Variants in COMMD1 observed in about 807,000 individuals in gnomAD.
The protein encoded by COMMD1 is COMM domain-containing protein 1.
A neutral mutation model predicts 17.2 loss-of-function variants in COMMD1; 10 were observed. The ratio of observed to expected loss-of-function variants is 0.58; its 90% CI spans 0.36 to 0.99. The LOEUF is 0.99. COMMD1 is among the 50% of genes least tolerant of loss of function. The pLI is 0.01. For missense variants in COMMD1, 270 were observed against 231.8 expected, an observed-to-expected ratio of 1.17 and a Z score of -1.07; for synonymous variants, 97 against 91.6, an observed-to-expected ratio of 1.06 and a Z score of -0.34.
chr2:62,034,318 T>C (rs868806364), intron 2 of COMMD1, among the ~76,000 whole-genome samples: 1 of 151,624 alleles, frequency 6.6e-6, no homozygotes, highest in East Asian at 1.9e-4. Flanking sequence ...CCTGGCCAAG[T>C]TGGAAATCCC....
intron 1 of COMMD1, among the ~76,000 whole-genome samples, chr2:61,941,055 G>A (rs1464934359): frequency 6.8e-6 from 1 of 146,586 alleles, no homozygotes; most frequent in African/African-American, 2.5e-5. Flanking sequence ...TTTTTTTTTG[G>A]GATGGAGTCT....
chr2:62,122,439 C>CTTTCTTTTTT (rs1558608550), intron 2 of COMMD1, among the ~76,000 whole-genome samples: 3 of 136,578 alleles, frequency 2.2e-5, no homozygotes, highest in African/African-American at 6.1e-5. Context: ...AAGTTTCTTT[C>CTTTCTTTTTT]TTTTCTTTTT....
chr2:61,952,922 G>T (rs1030482030), intron 1 of COMMD1, among the ~76,000 whole-genome samples: 3 of 152,196 alleles, frequency 2.0e-5, no homozygotes, highest in Non-Finnish European at 4.4e-5. Flanking sequence ...AGGAGTGATG[G>T]TGATAACTGC....
chr2:62,005,164 G>T (rs1669075762), intron 2 of COMMD1, among the ~76,000 whole-genome samples: 1 of 152,184 alleles, frequency 6.6e-6, no homozygotes, highest in Non-Finnish European at 1.5e-5. Context: ...CTGCCCAGAT[G>T]ATTTCAGTAT....
At chr2:62,019,101 T>TCCC (rs1189020954) in intron 2 of COMMD1, among the ~76,000 whole-genome samples, 4 of 88,348 alleles carry the variant, frequency 4.5e-5, no homozygotes, top group Non-Finnish European at 6.6e-5. Flanking sequence ...TCTCTCTCTC[T>TCCC]TCCCTCCCTC....
chr2:62,089,926 TG>T (rs2103995882), intron 2 of COMMD1, among the ~76,000 whole-genome samples: 1 of 147,478 alleles, frequency 6.8e-6, no homozygotes, highest in Admixed American at 6.8e-5. Flanking sequence ...TTTGGTCATT[TG>T]GCAAGGTCCC....
intron 1 of COMMD1, among the ~76,000 whole-genome samples, chr2:61,907,211 AT>A (rs1669795031): frequency 6.6e-6 from 1 of 151,970 alleles, no homozygotes; most frequent in African/African-American, 2.4e-5. Flanking sequence ...GGTTCGAGCC[AT>A]TCTCCTGCCT....
At chr2:61,962,768 G>C (rs1671388984) in intron 1 of COMMD1, among the ~76,000 whole-genome samples, 1 of 152,092 alleles carries the variant, frequency 6.6e-6, no homozygotes, top group Non-Finnish European at 1.5e-5. Flanking sequence ...ACTCCACAAG[G>C]AAAGGCTGCA....
At chr2:61,912,125 CTTAT>C (rs1419322008) in intron 1 of COMMD1, among the ~76,000 whole-genome samples, 2 of 152,078 alleles carry the variant, frequency 1.3e-5, no homozygotes, top group Admixed American at 6.6e-5. Context: ...TATTTATCAG[CTTAT>C]TTATTTGTTA....
chr2:61,975,317 A>G (rs1425549514), intron 1 of COMMD1, among the ~76,000 whole-genome samples: 4 of 152,126 alleles, frequency 2.6e-5, no homozygotes, highest in African/African-American at 9.7e-5. Context: ...TAAAACTGCT[A>G]TAAAAAACCA....
intron 1 of COMMD1, among the ~76,000 whole-genome samples, chr2:61,999,317 A>G (rs1668855686): frequency 2.6e-5 from 4 of 152,234 alleles, no homozygotes; most frequent in South Asian, 2.1e-4. Flanking sequence ...GCTGGAATAG[A>G]GAACCCAGAT....
intron 1 of COMMD1, among the ~76,000 whole-genome samples, chr2:61,979,444 T>C (rs1671896487): frequency 6.6e-6 from 1 of 152,072 alleles, no homozygotes; most frequent in South Asian, 2.1e-4. Flanking sequence ...GCCACTGCAC[T>C]CTAGCCTGGG....
chr2:62,001,524 A>G (rs1336006216), intron 2 of COMMD1, among the ~76,000 whole-genome samples: 1 of 152,220 alleles, frequency 6.6e-6, no homozygotes, highest in Admixed American at 6.5e-5. Flanking sequence ...AGCAGTCATT[A>G]TAGCAGATAA....
At chr2:61,976,831 A>G (rs911962004) in intron 1 of COMMD1, among the ~76,000 whole-genome samples, 4 of 144,182 alleles carry the variant, frequency 2.8e-5, no homozygotes, top group East Asian at 4.0e-4. Context: ...GTGATGTGGG[A>G]TTTTTTTTTT....
At chr2:61,922,672 G>A (rs984156890) in intron 1 of COMMD1, among the ~76,000 whole-genome samples, 6 of 152,122 alleles carry the variant, frequency 3.9e-5, no homozygotes, top group African/African-American at 1.4e-4. Flanking sequence ...TTCCCCTTAT[G>A]TAACTTTATG....
intron 2 of COMMD1, among the ~76,000 whole-genome samples, chr2:62,021,775 C>A (rs1272592484): frequency 6.6e-6 from 1 of 152,142 alleles, no homozygotes; most frequent in African/African-American, 2.4e-5. Flanking sequence ...ATAAAGAATA[C>A]CATGGAAAAG....
At chr2:61,974,985 G>C (rs182346757) in intron 1 of COMMD1, among the ~76,000 whole-genome samples, 2 of 151,820 alleles carry the variant, frequency 1.3e-5, no homozygotes, top group Non-Finnish European at 2.9e-5. Flanking sequence ...CGTCTTCACA[G>C]TTTTACCTTT....
intron 2 of COMMD1, among the ~76,000 whole-genome samples, chr2:62,084,490 G>C (rs1671605972): frequency 6.6e-6 from 1 of 152,156 alleles, no homozygotes; most frequent in African/African-American, 2.4e-5. Context: ...ACACTGAGGA[G>C]GAAGAAGCGT....
chr2:61,903,320 T>A (rs1398733838), upstream of COMMD1, among the ~76,000 whole-genome samples: 1 of 151,786 alleles, frequency 6.6e-6, no homozygotes, highest in African/African-American at 2.4e-5. Context: ...GGCGCATGCC[T>A]ATAATCCCAG....
Sources: gnomAD v4.1 joint callset for allele counts (sites outside exome capture counted in the v4.1 genomes callset) on GRCh38, gnomAD v4.1.1 for gene constraint, MANE v1.5 for transcripts, NCBI Gene and HGNC (gene_info 2026-07-23, HGNC 2026-07-21) for gene names.